The following MAP9 variants were observed in gnomAD, a reference collection of about 807,000 sequenced individuals.
MAP9 encodes the protein microtubule-associated protein 9.
MAP9 carries 80 observed loss-of-function variants against 75.2 expected under a neutral mutation model. The observed-to-expected ratio is 1.06, with a 90% confidence interval of 0.89 to 1.28. MAP9 has a LOEUF of 1.28. Among genes scored for constraint, MAP9 ranks in the 50% most tolerant of loss-of-function variants. MAP9 has a pLI of 0.00. For synonymous variants in MAP9, 235 were observed against 237.3 expected, an observed-to-expected ratio of 0.99 and a Z score of 0.09; for missense variants, 753 against 719.9, an observed-to-expected ratio of 1.05 and a Z score of -0.53.
intron 5 of MAP9, among the ~76,000 whole-genome samples, chr4:155,364,162 G>A (rs572881395): frequency 7.4e-4 from 112 of 152,054 alleles, no homozygotes; most frequent in African/African-American, 2.6e-3. Flanking sequence ...TTACAAGAGA[G>A]GCCAATAAAA....
At chr4:155,350,774 A>G (rs1006004248) in intron 13 of MAP9, among the ~76,000 whole-genome samples, 3 of 151,980 alleles carry the variant, frequency 2.0e-5, no homozygotes, top group Admixed American at 6.6e-5. Flanking sequence ...GCTTTTGTTA[A>G]GATTGCATTA....
intron 5 of MAP9, among the ~76,000 whole-genome samples, chr4:155,364,709 T>C (rs891874634): frequency 2.0e-5 from 3 of 151,100 alleles, no homozygotes; most frequent in African/African-American, 7.3e-5. Context: ...GATATGTAGA[T>C]ATAATATATG....
At chr4:155,375,062 A>C (rs1270431170) in intron 2 of MAP9, 41 bp from the exon 3 acceptor site, 57 of 1,392,746 alleles carry the variant, frequency 4.1e-5, no homozygotes, top group Non-Finnish European at 5.2e-5. Context: ...CCAAACATGG[A>C]GGTATCATAT....
At chr4:155,350,214 A>G (rs1425177148) in intron 13 of MAP9, 1 of 453,102 alleles carries the variant, frequency 2.2e-6, no homozygotes, top group Non-Finnish European at 4.4e-6. Context: ...TTAGACTCCT[A>G]TACAGGGGCA....
chr4:155,360,501 G>C, intron 6 of MAP9, 86 bp from the exon 7 acceptor site: 1 of 1,292,750 alleles, frequency 7.7e-7, no homozygotes, highest in South Asian at 1.5e-5. Flanking sequence ...TTTTAAATGA[G>C]GACTATCTAT....
chr4:155,351,558 C>A (rs1357033705), intron 13 of MAP9, among the ~76,000 whole-genome samples: 1 of 150,660 alleles, frequency 6.6e-6, no homozygotes, highest in Non-Finnish European at 1.5e-5. Flanking sequence ...TAAATATTTG[C>A]AACCCATATA....
chr4:155,355,906 A>G lies in MAP9; in HGVS notation c.1122-22T>C, dbSNP rs533434687. On this transcript the variant is annotated intron_variant, in intron 8 of 13. Transcript: ENST00000311277. ...TAATCTGAAAAGATCCAAATGAATC[A>G]AGACAAAATATTACAATTGCATTTG... is the stretch of plus-strand genomic sequence containing the variant. 195 of 1,586,636 alleles carry G rather than the reference A, an allele frequency of 1.2e-4. 3 individuals carry two copies. In the South Asian group the frequency reaches 2.0e-3, roughly 16 times the overall value.
chr4:155,371,265 A>AT (rs955212942), intron 4 of MAP9, among the ~76,000 whole-genome samples: 12 of 152,132 alleles, frequency 7.9e-5, no homozygotes, highest in African/African-American at 2.9e-4. Context: ...CATTAAAAAC[A>AT]TTGAGTTCCA....
At chr4:155,355,032 A>G in intron 10 of MAP9, 39 bp downstream of exon 10, 1 of 973,572 alleles carries the variant, frequency 1.0e-6, no homozygotes, top group Non-Finnish European at 1.5e-6. Context: ...TTACTGAAAT[A>G]AAAATCCAAA....
At chr4:155,358,288 C>T (rs1731897314) in intron 7 of MAP9, among the ~76,000 whole-genome samples, 1 of 152,138 alleles carries the variant, frequency 6.6e-6, no homozygotes, top group Admixed American at 6.6e-5. Flanking sequence ...TAAGGAACAA[C>T]TTTTCTACTT....
intron 9 of MAP9, 38 bp downstream of exon 9, chr4:155,355,678 A>G (rs1386823807): frequency 4.7e-6 from 7 of 1,497,588 alleles, no homozygotes; most frequent in Non-Finnish European, 5.5e-6. Context: ...TATGAAAGTG[A>G]TCATTCTTCT....
At chr4:155,349,845 G>GT (rs1731437135) in intron 13 of MAP9, 1 of 153,530 alleles carries the variant, frequency 6.5e-6, no homozygotes, top group Non-Finnish European at 1.4e-5. Flanking sequence ...TGAGGGGGCA[G>GT]TAACTTGAAA....
intron 5 of MAP9, chr4:155,368,024 T>C (rs1446372599): frequency 6.5e-6 from 1 of 153,674 alleles, no homozygotes; most frequent in Non-Finnish European, 1.4e-5. Flanking sequence ...CGAAGTGTTC[T>C]CCCTTAATAA....
chr4:155,350,824 A>G (rs528078336), intron 13 of MAP9, among the ~76,000 whole-genome samples: 2 of 152,112 alleles, frequency 1.3e-5, no homozygotes, highest in South Asian at 4.1e-4. Context: ...TAACATCATT[A>G]TAAGGTTAAG....
In MAP9 at chr4:155,346,231, C is replaced by CTGA. The variant is rs1462177820; in HGVS notation, c.*1549_*1551dup. Reference sequence around the variant, plus strand: ...ATAACTTGCTGAGTTTTCTGATATTCTGATAGTAGTTATAAGATGCCTGAG... The same window carrying CTGA: ...ATAACTTGCTGAGTTTTCTGATATTCTGATGATAGTAGTTATAAGATGCCTGAG... On this transcript the variant is annotated 3_prime_UTR_variant, in exon 14 of 14. Transcript: ENST00000311277. The CTGA allele has an allele frequency of 6.6e-6, 1 of 152,084 alleles. No homozygotes were observed. The highest frequency in any genetic ancestry group is 1.5e-5 in the Non-Finnish European group (1 of 68,018). The allele number at this position is 152,084 out of a possible 1,614,324, so 9.4% of individuals were successfully genotyped here.
At chr4:155,373,112 A>G in intron 4 of MAP9, 24 bp downstream of exon 4, 1 of 1,441,812 alleles carries the variant, frequency 6.9e-7, no homozygotes, top group Non-Finnish European at 9.3e-7. Flanking sequence ...AAGAAATGCA[A>G]TTACAGTAAT....
At chr4:155,376,453 C>G (rs965246662) in intron 1 of MAP9, 1 of 152,242 alleles carries the variant, frequency 6.6e-6, no homozygotes, top group Non-Finnish European at 1.5e-5. Flanking sequence ...GACAAAACGA[C>G]GAAGCTTTCG....
intron 11 of MAP9, 58 bp downstream of exon 11, chr4:155,353,121 T>A (rs1420637814): frequency 8.4e-6 from 13 of 1,539,610 alleles, no homozygotes; most frequent in Non-Finnish European, 1.1e-5. Flanking sequence ...ATATGGTTAA[T>A]CATTAATTTG....
Position 155,344,245 on chromosome 4 carries a change from G to A in MAP9, c.*3538C>T, listed in dbSNP as rs1383123229. The A allele has an allele frequency of 6.6e-6, 1 of 151,890 alleles. No homozygotes were observed. The highest frequency in any genetic ancestry group is 1.5e-5 in the Non-Finnish European group (1 of 67,852). 9.4% of individuals were successfully genotyped at this position (151,890 alleles called of 1,614,324 possible). ...TATGAAGGCAGCAGTGGAGGAGTAA[G>A]GAGATAAATAAGAGGACATGAATCA... is the stretch of plus-strand genomic sequence containing the variant. On this transcript the variant is annotated 3_prime_UTR_variant, in exon 14 of 14. Transcript: ENST00000311277.
Sources: gnomAD v4.1 joint callset for allele counts (sites outside exome capture counted in the v4.1 genomes callset) on GRCh38, gnomAD v4.1.1 for gene constraint, MANE v1.5 for transcripts, NCBI Gene and HGNC (gene_info 2026-07-23, HGNC 2026-07-21) for gene names.